The following NOX1 variants were observed in gnomAD, a reference collection of about 807,000 sequenced individuals.
NOX1 encodes NADPH oxidase 1, also known as NADH/NADPH mitogenic oxidase subunit P65-MOX.
In NOX1, 34 loss-of-function variants were observed where a neutral mutation model predicts 42.5. That is an observed-to-expected ratio of 0.80 (90% CI 0.61 to 1.07). The LOEUF is 1.07. Among genes scored for constraint, NOX1 ranks in the 50% least tolerant of loss-of-function variants. The pLI is 0.00. For missense variants in NOX1, 408 were observed against 427.0 expected (o/e 0.96, Z 0.39); for synonymous variants, 143 against 152.5 (o/e 0.94, Z 0.46).
intron 11 of NOX1, 76 bp from the exon 12 acceptor site, chrX:100,848,830 C>T: frequency 3.8e-6 from 4 of 1,048,507 alleles, no homozygotes; most frequent in Non-Finnish European, 5.2e-6. Context: ...AATCCCAATA[C>T]TTTGGGAGGC....
At chrX:100,868,299 A>G (rs774889246) in intron 2 of NOX1, among the ~76,000 whole-genome samples, 2 of 112,151 alleles carry the variant, frequency 1.8e-5, no homozygotes, top group Admixed American at 1.9e-4. Context: ...AAACATGTAC[A>G]TTGGGAAGAT....
At position 100,862,733 on chromosome X, in the gene NOX1, G is replaced by A; in HGVS notation, c.425C>T (p.Ser142Phe). ...ATDGSLASIL[S>F]SLSHDEKKGG... ...CTTTTTCTCATCATGAGATAGGCTG[G>A]AGAGAATGGAGGCAAGGGAGCCATC... is the stretch of plus-strand genomic sequence containing the variant. Residue 142 changes from serine (S) to phenylalanine (F), a missense_variant, in exon 5 of 13, where the codon TCC becomes TTC. Physicochemically the swap from Ser to Phe is radical, Grantham distance 155. Transcript: ENST00000372966. The A allele has an allele frequency of 8.3e-7, 1 of 1,200,196 alleles. No individual in the cohort carries two copies. The highest frequency in any genetic ancestry group is 1.8e-5 in the South Asian group (1 of 54,774).
chrX:100,858,689 G>A (rs1176121788), intron 7 of NOX1, among the ~76,000 whole-genome samples: 4 of 110,489 alleles, frequency 3.6e-5, no homozygotes, highest in African/African-American at 1.3e-4. Flanking sequence ...TTTTTTTTGT[G>A]GCTATTGTGA....
intron 2 of NOX1, among the ~76,000 whole-genome samples, chrX:100,869,952 G>T (rs1256967154): frequency 2.1e-5 from 2 of 96,560 alleles, no homozygotes; most frequent in Non-Finnish European, 4.2e-5. Context: ...CTGTTTATAT[G>T]CTGGATTACA....
Position 100,873,866 on chromosome X carries a change from A to G in NOX1, c.45+229T>C, listed in dbSNP as rs187388471. Reference sequence around the variant, plus strand: ...AGAGAAAGGGAGATGACAGAAAATGAAAACAGATTGAAATTCCAAATACTT... The same window carrying G: ...AGAGAAAGGGAGATGACAGAAAATGGAAACAGATTGAAATTCCAAATACTT... On this transcript the variant is annotated intron_variant, in intron 1 of 12. Transcript: ENST00000372966. 3.6e-5 allele frequency among the ~76,000 whole-genome samples: 4 copies of G among 111,824 alleles called. No homozygotes were observed. The East Asian group carries it at 1.1e-3, about 31-fold the overall frequency.
intron 2 of NOX1, among the ~76,000 whole-genome samples, chrX:100,869,020 A>G (rs1215413464): frequency 9.0e-6 from 1 of 111,185 alleles, no homozygotes; most frequent in Non-Finnish European, 1.9e-5. Flanking sequence ...ATTGATATAT[A>G]TCTCTGTTTT....
At chrX:100,863,649 C>A (rs1024182657) in intron 2 of NOX1, 54 bp from the exon 3 acceptor site, 6 of 1,156,076 alleles carry the variant, frequency 5.2e-6, no homozygotes, top group Non-Finnish European at 3.5e-6. Flanking sequence ...CCATCTAGCA[C>A]GTGAGCAACT....
intron 7 of NOX1, among the ~76,000 whole-genome samples, chrX:100,853,295 TTTC>T (rs2085134593): frequency 1.3e-5 from 1 of 74,149 alleles, no homozygotes; most frequent in Admixed American, 1.5e-4. Context: ...TCTTTCTTTC[TTTC>T]TTTCTTTCTT....
Position 100,843,471 on chromosome X carries a change from ATTAT to A in NOX1, c.*477_*480del, listed in dbSNP as rs2085050150. ...GATGGGGTTCTCGGTAATTTTGTTT[ATTAT>A]TTATGTTTATTATTATGTTTTATCA... On this transcript the variant is annotated 3_prime_UTR_variant, in exon 13 of 13. Coordinates refer to ENST00000372966, the MANE Select transcript of NOX1 (RefSeq NM_007052.5). The A allele has an allele frequency of 3.1e-5, 34 of 1,087,634 alleles. No individual in the cohort carries two copies. The highest frequency in any genetic ancestry group is 3.4e-4 in the Middle Eastern group (1 of 2,902). The allele number at this position is 1,087,634 out of a possible 1,213,427, so 89.6% of individuals were successfully genotyped here. A position where few individuals can be genotyped will look rare whatever the true frequency, so the allele number is the denominator to read the frequency against.
rs761933262 is a variant in NOX1, at chrX:100,862,212, A to G, written c.763T>C (p.Ser255Pro). The part of the protein sequence containing the change: ...ESFEMWDDRD[S>P]HCRRPKFEGH... ...TCAAACTTAGGGCGCCTACAGTGGG[A>G]GTCACGATCATCCCACATCTCAAAA... is the stretch of plus-strand genomic sequence containing the variant. The change falls in exon 7 of 13, where the codon TCC becomes CCC. Residue 255 changes from serine to proline, a missense_variant. Ser to Pro is a moderately conservative substitution (Grantham distance 74, BLOSUM62 -1). Coordinates refer to ENST00000372966, the MANE Select transcript of NOX1 (RefSeq NM_007052.5). 12 of 1,209,998 alleles carry G rather than the reference A, an allele frequency of 9.9e-6. No individual in the cohort carries two copies. The highest frequency in any genetic ancestry group is 1.3e-5 in the Non-Finnish European group (12 of 895,033).
At chrX:100,873,080 C>T (rs915814850) in intron 1 of NOX1, among the ~76,000 whole-genome samples, 9 of 109,763 alleles carry the variant, frequency 8.2e-5, no homozygotes, top group African/African-American at 3.0e-4. Context: ...AAGCATCACA[C>T]CTTCTCTCTT....
intron 11 of NOX1, 34 bp downstream of exon 11, chrX:100,849,246 T>G (rs1397148278): frequency 1.7e-6 from 2 of 1,192,925 alleles, no homozygotes; most frequent in Non-Finnish European, 2.3e-6. Context: ...CGTCTTATGT[T>G]TAGTAGGGGA....
intron 11 of NOX1, 87 bp from the exon 12 acceptor site, chrX:100,848,841 C>T (rs778595045): frequency 2.2e-5 from 22 of 980,297 alleles, no homozygotes; most frequent in African/African-American, 3.8e-5. Context: ...TTTGGGAGGC[C>T]GAGGTGGGTG....
At chrX:100,873,716 G>T (rs1227484406) in intron 1 of NOX1, among the ~76,000 whole-genome samples, 1 of 111,684 alleles carries the variant, frequency 9.0e-6, no homozygotes, top group Admixed American at 9.6e-5. Flanking sequence ...TCAGTACTGG[G>T]CCAGATGATC....
At position 100,849,768 on chromosome X, in the gene NOX1, A is replaced by G; in HGVS notation, c.1296+4T>C. On this transcript the variant is annotated splice_donor_region_variant and intron_variant, in intron 10 of 12. Coordinates refer to ENST00000372966, the MANE Select transcript of NOX1 (RefSeq NM_007052.5). Reference sequence around the variant, plus strand: ...CAGAAGAAAAGTGATATACGGGATTATACCTTTTTTGTTTTGAGGTTGTGG... The same window carrying G: ...CAGAAGAAAAGTGATATACGGGATTGTACCTTTTTTGTTTTGAGGTTGTGG... 1 of 1,200,889 alleles carries G rather than the reference A, an allele frequency of 8.3e-7. No individual in the cohort carries two copies.
In NOX1 at chrX:100,849,470, A is replaced by G. The variant is rs201245912; in HGVS notation, c.1297-44T>C. ...AACATAGCCTTATTAGGTGACCTTA[A>G]AAGTCACATTTATAGAGCCGCAAAC... On this transcript the variant is annotated intron_variant, in intron 10 of 12. Transcript: ENST00000372966. 5 of 1,167,655 alleles carry G rather than the reference A, an allele frequency of 4.3e-6. No individual in the cohort carries two copies. In the East Asian group the frequency reaches 1.5e-4, roughly 35 times the overall value.
Position 100,843,712 on chromosome X carries a change from A to AT in NOX1, c.*239dup. ...TGGCTGTCCAGAAAGATTTACAGTTATTTTTCTGAGAAAGGATCCATGGGC... is the reference window on the plus strand; with the variant it reads ...TGGCTGTCCAGAAAGATTTACAGTTATTTTTTCTGAGAAAGGATCCATGGGC... On this transcript the variant is annotated 3_prime_UTR_variant, in exon 13 of 13. Transcript: ENST00000372966. 2.5e-6 allele frequency: 1 copy of AT among 398,951 alleles called. No individual in the cohort carries two copies. The highest frequency in any genetic ancestry group is 4.2e-6 in the Non-Finnish European group (1 of 236,669). 32.9% of individuals were successfully genotyped at this position (398,951 alleles called of 1,213,427 possible).
chrX:100,874,156 G>T lies in NOX1; in HGVS notation c.-17C>A. ...GTTTCCCATTGTCAAGAGGTGGTTT[G>T]GAGCCCTTCTAGGCAACAGGGAAGA... On this transcript the variant is annotated 5_prime_UTR_variant, in exon 1 of 13. Coordinates refer to ENST00000372966, the MANE Select transcript of NOX1 (RefSeq NM_007052.5). The T allele has an allele frequency of 8.5e-7, 1 of 1,175,985 alleles. No individual in the cohort carries two copies.
At chrX:100,844,837 A>G (rs1022610397) in intron 12 of NOX1, among the ~76,000 whole-genome samples, 7 of 112,196 alleles carry the variant, frequency 6.2e-5, no homozygotes, top group African/African-American at 1.9e-4. Context: ...AAATAAGAAC[A>G]TGTAAATAAA....
Sources: allele counts gnomAD v4.1 joint callset (sites outside exome capture counted in the v4.1 genomes callset), GRCh38; gene constraint gnomAD v4.1.1; transcripts MANE v1.5; gene names NCBI Gene and HGNC (gene_info 2026-07-23, HGNC 2026-07-21).